The following SYTL2 variants were observed in gnomAD, a reference collection of about 807,000 sequenced individuals.
SYTL2 encodes synaptotagmin-like protein 2.
A neutral mutation model predicts 198.7 loss-of-function variants in SYTL2; 165 were observed. The observed-to-expected ratio is 0.83, with a 90% CI of 0.73 to 0.94. SYTL2 has a LOEUF of 0.94. Ranked by LOEUF, SYTL2 falls within the 40% of genes least tolerant of loss-of-function variation. The probability of loss-of-function intolerance (pLI) is 0.00; values close to 1 mark genes in which losing one functional copy is unlikely to be tolerated. For synonymous variants in SYTL2, 966 were observed against 917.7 expected (o/e 1.05, Z -0.95); for missense variants, 2,835 against 2,582.8 (o/e 1.10, Z -2.12).
chr11:85,706,061 T>G (rs1409877850), intron 15 of SYTL2, among the ~76,000 whole-genome samples: 6 of 152,194 alleles, frequency 3.9e-5, no homozygotes, highest in Admixed American at 2.0e-4. Context: ...CATGATGTAG[T>G]TTTGGGAAGA....
the SYTL2 span, among the ~76,000 whole-genome samples, chr11:85,840,423 G>C: frequency 2.0e-5 from 3 of 152,058 alleles, no homozygotes; most frequent in African/African-American, 7.2e-5. Context: ...TAGTTTGAGG[G>C]CTTGCACTCA....
chr11:85,695,139 A>C lies in SYTL2; in HGVS notation c.*56T>G. The C allele has an allele frequency of 6.5e-7, 1 of 1,544,544 alleles. No homozygotes were observed. The highest frequency in any genetic ancestry group is 1.9e-5 in the Admixed American group (1 of 52,520). ...ATTTGTCCACCTACTCAGATTTTCAAGATCAGATTCCACCGGTTTAGTAGT... is the reference window on the plus strand; with the variant it reads ...ATTTGTCCACCTACTCAGATTTTCACGATCAGATTCCACCGGTTTAGTAGT... On this transcript the variant is annotated 3_prime_UTR_variant, in exon 20 of 20. Transcript: ENST00000359152.
In SYTL2 at chr11:85,702,035, C is replaced by T. The variant is rs575834187; in HGVS notation, c.6190-1442G>A. On this transcript the variant is annotated intron_variant, in intron 16 of 19. Coordinates refer to ENST00000359152, the MANE Select transcript of SYTL2 (RefSeq NM_206927.4). ...CTGGGGAGACAAAACTTGGAGCCCA[C>T]GGCCTGTCAAGAAGGAATGGCACTG... 6.6e-5 allele frequency among the ~76,000 whole-genome samples: 10 copies of T among 152,192 alleles called. No homozygotes were observed. In the South Asian group the frequency reaches 8.3e-4, roughly 13 times the overall value.
In SYTL2 at chr11:85,720,845, A is replaced by T; in HGVS notation, c.5428+13T>A. On this transcript the variant is annotated intron_variant, in intron 9 of 19. Coordinates refer to ENST00000359152, the MANE Select transcript of SYTL2 (RefSeq NM_206927.4). ...AGATGGGGCATGAACAGTGAGGCGA[A>T]CTTTATTCTCACTTGATGAATCTGA... The T allele has an allele frequency of 6.3e-7, 1 of 1,592,010 alleles. No homozygotes were observed. Among genetic ancestry groups the T allele is most frequent in the Non-Finnish European group, 8.6e-7 (1 of 1,159,842 alleles).
chr11:85,777,843 C>T (rs931508699), intron 1 of SYTL2, among the ~76,000 whole-genome samples: 10 of 33,944 alleles, frequency 2.9e-4, no homozygotes, highest in Non-Finnish European at 6.2e-4. Flanking sequence ...TTTTTGAGAC[C>T]GAGTTTTGCT....
chr11:85,723,967 T>A (rs1395268692), intron 8 of SYTL2, 65 bp downstream of exon 8: 3 of 825,252 alleles, frequency 3.6e-6, no homozygotes, highest in Non-Finnish European at 3.5e-6. Flanking sequence ...TTAAAAAAAA[T>A]CATCCTTTAC....
chr11:85,828,278 G>C, the SYTL2 span, among the ~76,000 whole-genome samples: 1 of 152,096 alleles, frequency 6.6e-6, no homozygotes, highest in Non-Finnish European at 1.5e-5. Flanking sequence ...GCATATGCAA[G>C]CAGCTGCAAA....
At chr11:85,771,190 T>G (rs1339768223) in intron 1 of SYTL2, among the ~76,000 whole-genome samples, 1 of 152,208 alleles carries the variant, frequency 6.6e-6, no homozygotes, top group Non-Finnish European at 1.5e-5. Context: ...TACCAAAGTG[T>G]TGAGAGCATC....
chr11:85,781,802 T>C (rs1216360947), intron 1 of SYTL2, among the ~76,000 whole-genome samples: 1 of 152,224 alleles, frequency 6.6e-6, no homozygotes, highest in Non-Finnish European at 1.5e-5. Flanking sequence ...ATCTAGGTCA[T>C]GCTGATGCAA....
chr11:85,819,791 T>G, the SYTL2 span, among the ~76,000 whole-genome samples: 3 of 152,258 alleles, frequency 2.0e-5, no homozygotes, highest in Admixed American at 1.3e-4. Context: ...CTAACATAAA[T>G]CATTCCATCT....
intron 1 of SYTL2, among the ~76,000 whole-genome samples, chr11:85,808,019 C>A (rs1318049445): frequency 6.6e-6 from 1 of 151,970 alleles, no homozygotes; most frequent in East Asian, 1.9e-4. Context: ...AACGCTATAT[C>A]CCAAGTTTTG....
intron 3 of SYTL2, among the ~76,000 whole-genome samples, chr11:85,747,347 T>C (rs969799212): frequency 1.3e-5 from 2 of 151,622 alleles, no homozygotes; most frequent in Non-Finnish European, 2.9e-5. Flanking sequence ...CGCACTATCA[T>C]AGTAACCTCC....
intron 13 of SYTL2, among the ~76,000 whole-genome samples, chr11:85,710,096 A>G (rs1018663427): frequency 1.3e-4 from 20 of 152,204 alleles, no homozygotes; most frequent in African/African-American, 4.3e-4. Context: ...GGTGGCATTC[A>G]AAGGCATCCA....
intron 1 of SYTL2, among the ~76,000 whole-genome samples, chr11:85,784,086 GA>G (rs1321293888): frequency 2.0e-5 from 3 of 152,156 alleles, no homozygotes; most frequent in African/African-American, 7.2e-5. Context: ...GTATGACCCA[GA>G]ACAGAGTCCT....
intron 1 of SYTL2, among the ~76,000 whole-genome samples, chr11:85,768,923 GC>G (rs1334541813): frequency 6.6e-6 from 1 of 152,102 alleles, no homozygotes; most frequent in Non-Finnish European, 1.5e-5. Flanking sequence ...TGCAGTAACA[GC>G]CCTCCTCTAG....
chr11:85,815,347 T>C (rs929435224), upstream of SYTL2, among the ~76,000 whole-genome samples: 33 of 152,350 alleles, frequency 2.2e-4, no homozygotes, highest in African/African-American at 7.7e-4. Context: ...AGATGACTTA[T>C]ACCAGTTACG....
At chr11:85,714,630 G>C in intron 11 of SYTL2, 123 bp from the exon 12 acceptor site, 1 of 1,447,070 alleles carries the variant, frequency 6.9e-7, no homozygotes, top group Non-Finnish European at 9.1e-7. Context: ...AAAGTTAAAG[G>C]CAGAGTAGTC....
intron 1 of SYTL2, among the ~76,000 whole-genome samples, chr11:85,804,664 C>G (rs1347747475): frequency 6.6e-6 from 1 of 152,196 alleles, no homozygotes; most frequent in East Asian, 1.9e-4. Context: ...CATTCACTTG[C>G]TTCAGACTGT....
chr11:85,745,001 C>A (rs906797814), intron 4 of SYTL2, among the ~76,000 whole-genome samples: 3 of 152,156 alleles, frequency 2.0e-5, no homozygotes, highest in Non-Finnish European at 1.5e-5. Context: ...AACCCCAAGA[C>A]TATAATATTG....
Sources: gnomAD v4.1 joint callset for allele counts (sites outside exome capture counted in the v4.1 genomes callset) on GRCh38, gnomAD v4.1.1 for gene constraint, MANE v1.5 for transcripts, NCBI Gene and HGNC (gene_info 2026-07-23, HGNC 2026-07-21) for gene names.